METTL17: variants seen among roughly 807,000 people sequenced by gnomAD.
The protein encoded by METTL17 is ribosome assembly protein METTL17, mitochondrial.
Under a neutral mutation model 59.4 loss-of-function variants are expected in METTL17, and 49 were observed. The observed-to-expected ratio is 0.82, with a 90% CI of 0.66 to 1.05. METTL17 has a LOEUF of 1.05. Among genes scored for constraint, METTL17 ranks in the 50% least tolerant of loss-of-function variants. The pLI, the probability that METTL17 is intolerant of heterozygous loss-of-function variation, is 0.00. For synonymous variants in METTL17, 208 were observed against 209.2 expected, an observed-to-expected ratio of 0.99 and a Z score of 0.05; for missense variants, 555 against 578.4, an observed-to-expected ratio of 0.96 and a Z score of 0.41.
At position 20,996,934 on chromosome 14, in the gene METTL17, G is replaced by A; in HGVS notation, c.*44G>A. ...ATTTTCTTCTATCGTGCCTGCCAGG[G>A]CTGAAGCTGCCTGGTATCCAGGAGG... On this transcript the variant is annotated 3_prime_UTR_variant, in exon 14 of 14. Transcript: ENST00000339374. The A allele has an allele frequency of 6.4e-7, 1 of 1,566,806 alleles. No individual in the cohort carries two copies. The highest frequency in any genetic ancestry group is 1.2e-5 in the South Asian group (1 of 86,808).
intron 3 of METTL17, among the ~76,000 whole-genome samples, chr14:20,991,172 T>C (rs1880013109): frequency 6.6e-6 from 1 of 152,136 alleles, no homozygotes; most frequent in Non-Finnish European, 1.5e-5. Context: ...TTTCTGCAAG[T>C]CCACTGGATT....
At chr14:20,991,191 C>A (rs1880014111) in intron 3 of METTL17, among the ~76,000 whole-genome samples, 1 of 152,140 alleles carries the variant, frequency 6.6e-6, no homozygotes, top group Admixed American at 6.5e-5. Flanking sequence ...TTAGGACCTT[C>A]TAAGTTTTTA....
intron 10 of METTL17, 28 bp downstream of exon 10, chr14:20,995,261 C>A (rs763968839): frequency 3.1e-5 from 49 of 1,575,416 alleles, no homozygotes; most frequent in Middle Eastern, 1.7e-4. Context: ...CTCACTCCCC[C>A]ACCCATATGG....
At position 20,990,331 on chromosome 14, in the gene METTL17, G is replaced by T; in HGVS notation, c.177G>T (p.Pro59=). 2 of 1,614,234 alleles carry T rather than the reference G, an allele frequency of 1.2e-6. No homozygotes were observed. The highest frequency in any genetic ancestry group is 1.7e-6 in the Non-Finnish European group (2 of 1,180,036). Residue 59 remains proline (P), a synonymous_variant, in exon 2 of 14, where the codon CCG becomes CCT. Coordinates refer to ENST00000339374, the MANE Select transcript of METTL17 (RefSeq NM_022734.3). ...HRQHPGILKL[P]HVRLPQALAN... ...AGCACCCTGGCATCCTAAAGCTGCCGCACGTGCGGCTGCCACAGGCACTGG... is the reference window on the plus strand; with the variant it reads ...AGCACCCTGGCATCCTAAAGCTGCCTCACGTGCGGCTGCCACAGGCACTGG...
intron 5 of METTL17, 24 bp downstream of exon 5, chr14:20,992,646 C>T: frequency 6.3e-7 from 1 of 1,584,910 alleles, no homozygotes; most frequent in Non-Finnish European, 8.7e-7. Flanking sequence ...AACTTCCAAC[C>T]TGAACTTTTT....
At chr14:20,994,189 A>G (rs1880219654) in intron 7 of METTL17, 126 bp downstream of exon 7, 1 of 705,462 alleles carries the variant, frequency 1.4e-6, no homozygotes. Flanking sequence ...TTTTAAAGTT[A>G]TAGTCAAGCA....
Position 20,995,966 on chromosome 14 carries a change from T to C in METTL17, c.996+15T>C. 1 of 1,613,974 alleles carries C rather than the reference T, an allele frequency of 6.2e-7. No homozygotes were observed. Among genetic ancestry groups the C allele is most frequent in the Non-Finnish European group, 8.5e-7 (1 of 1,179,860 alleles). ...TCTTTGCCCCGGTGAGTATTACTTC[T>C]GCCTGTCCCACCACACGGATCTGAA... On this transcript the variant is annotated intron_variant, in intron 11 of 13. Coordinates refer to ENST00000339374, the MANE Select transcript of METTL17 (RefSeq NM_022734.3).
At position 20,990,032 on chromosome 14, in the gene METTL17, A is replaced by T; in HGVS notation, c.30A>T (p.Thr10=). MAAALKCLL[T]LGRWCPGLGV... ...CGGCGGCACTGAAGTGTCTACTGACATTAGGAAGATGGTGCCCCGGCCTTG... is the reference window on the plus strand; with the variant it reads ...CGGCGGCACTGAAGTGTCTACTGACTTTAGGAAGATGGTGCCCCGGCCTTG... The change falls in exon 1 of 14, where the codon ACA becomes ACT. Residue 10 remains threonine, a synonymous_variant. Transcript: ENST00000339374. The T allele has an allele frequency of 6.2e-7, 1 of 1,612,948 alleles. No homozygotes were observed. Among genetic ancestry groups the T allele is most frequent in the Non-Finnish European group, 8.5e-7 (1 of 1,179,672 alleles).
intron 7 of METTL17, 144 bp from the exon 8 acceptor site, chr14:20,994,399 G>A (rs1880234887): frequency 2.7e-6 from 2 of 743,332 alleles, no homozygotes; most frequent in Admixed American, 2.2e-5. Flanking sequence ...GGGATTACAG[G>A]CACGCACCGC....
chr14:20,993,222 C>G (rs1371031881), intron 6 of METTL17, 31 bp downstream of exon 6: 1 of 1,590,638 alleles, frequency 6.3e-7, no homozygotes, highest in South Asian at 1.1e-5. Context: ...CTATCTTGGT[C>G]AATTTTAGCT....
chr14:20,990,823 T>TTTGG (rs914112312), intron 3 of METTL17: 5 of 591,362 alleles, frequency 8.5e-6, no homozygotes, highest in Admixed American at 3.3e-5. Context: ...TGTTTGTTTG[T>TTTGG]TTGTTTTGTT....
At chr14:20,992,435 C>A in intron 4 of METTL17, 106 bp from the exon 5 acceptor site, 1 of 972,826 alleles carries the variant, frequency 1.0e-6, no homozygotes, top group Non-Finnish European at 1.6e-6. Flanking sequence ...AGTGAAAGGC[C>A]TGAGCTGGAA....
At position 20,994,886 on chromosome 14, in the gene METTL17, G is replaced by A. The variant is rs139882069; in HGVS notation, c.861G>A (p.Lys287=). ...AGGTAGTTCAAACCTTATGGCGTAA[G>A]ACAGGTCATTTCCTGGTGAGTTAAA... ...RTEVVQTLWR[K]TGHFLVLVEN... is the part of the protein sequence containing the mutation. The change falls in exon 9 of 14, where the codon AAG becomes AAA. Residue 287 remains lysine, a synonymous_variant. Coordinates refer to ENST00000339374, the MANE Select transcript of METTL17 (RefSeq NM_022734.3). 1.5e-4 allele frequency: 248 copies of A among 1,613,690 alleles called. 1 individual carries two copies. In the African/African-American group the frequency reaches 3.0e-3, roughly 20 times the overall value.
At chr14:20,995,365 T>A (rs1279768614) in intron 10 of METTL17, 132 bp downstream of exon 10, 3 of 776,662 alleles carry the variant, frequency 3.9e-6, no homozygotes, top group Non-Finnish European at 6.6e-6. Flanking sequence ...GTCATTATGA[T>A]ACAGAGCAGT....
At chr14:20,993,701 C>T (rs1472090193) in intron 6 of METTL17, 9 of 262,030 alleles carry the variant, frequency 3.4e-5, no homozygotes, top group Admixed American at 2.0e-4. Context: ...TCTCTAACTC[C>T]TGACCTTGTG....
intron 4 of METTL17, 163 bp downstream of exon 4, chr14:20,992,368 A>T: frequency 1.4e-6 from 1 of 730,972 alleles, no homozygotes; most frequent in Non-Finnish European, 2.3e-6. Flanking sequence ...AGTTTTGAAC[A>T]CTGAAGTTTG....
Position 20,996,255 on chromosome 14 carries a change from G to A in METTL17, c.1043G>A (p.Ser348Asn). Residue 348 changes from serine (S) to asparagine (N), a missense_variant, in exon 12 of 14, where the codon AGC (serine) becomes AAC (asparagine). Physicochemically the swap from Ser to Asn is conservative, Grantham distance 46. Coordinates refer to ENST00000339374, the MANE Select transcript of METTL17 (RefSeq NM_022734.3). ...PCPQLTNLAC[S>N]FSQAYHPIPF... ...CCCCAGTTGACCAACCTGGCCTGTA[G>A]CTTCTCACAGGCGTACCATCCCATC... 1.9e-6 allele frequency: 3 copies of A among 1,614,114 alleles called. No individual in the cohort carries two copies.
chr14:20,995,693 A>G (rs1402937831), intron 10 of METTL17: 4 of 575,430 alleles, frequency 7.0e-6, no homozygotes, highest in Admixed American at 6.0e-5. Flanking sequence ...GCACCGTACT[A>G]TGTGCCAAGT....
chr14:20,993,222 C>T, intron 6 of METTL17, 31 bp downstream of exon 6: 2 of 1,590,638 alleles, frequency 1.3e-6, no homozygotes, highest in Non-Finnish European at 1.7e-6. Flanking sequence ...CTATCTTGGT[C>T]AATTTTAGCT....
Sources: gnomAD v4.1 joint callset for allele counts (sites outside exome capture counted in the v4.1 genomes callset) on GRCh38, gnomAD v4.1.1 for gene constraint, MANE v1.5 for transcripts, NCBI Gene and HGNC (gene_info 2026-07-23, HGNC 2026-07-21) for gene names.